RC3H2: variants seen among roughly 807,000 people sequenced by gnomAD.
RC3H2 encodes ring finger and CCCH-type domains 2.
RC3H2 carries 31 observed loss-of-function variants against 133.3 expected under a neutral mutation model. The observed-to-expected ratio is 0.23, with a 90% CI of 0.17 to 0.31. The LOEUF is 0.31. Among genes scored for constraint, RC3H2 ranks in the 10% least tolerant of loss-of-function variants. The probability of loss-of-function intolerance (pLI) is 1.00; values close to 1 mark genes in which losing one functional copy is unlikely to be tolerated. For synonymous variants in RC3H2, 517 were observed against 502.2 expected, an observed-to-expected ratio of 1.03 and a Z score of -0.40; for missense variants, 1,175 against 1,437.2, an observed-to-expected ratio of 0.82 and a Z score of 2.95.
intron 4 of RC3H2, among the ~76,000 whole-genome samples, chr9:122,883,736 C>T (rs1005442185): frequency 6.6e-6 from 1 of 152,036 alleles, no homozygotes; most frequent in African/African-American, 2.4e-5. Flanking sequence ...AATCCCAGCA[C>T]GTTGAGAGGC....
chr9:122,890,723 CT>C (rs35932213), intron 3 of RC3H2, among the ~76,000 whole-genome samples, 178 bp from the exon 4 acceptor site: 32,780 of 151,932 alleles, frequency 0.22, 4,950 homozygotes, highest in East Asian at 0.65. Flanking sequence ...AATAAGAAGC[CT>C]AATTTTTAGC....
chr9:122,850,674 T>G (rs1829988138), intron 20 of RC3H2, among the ~76,000 whole-genome samples: 1 of 151,950 alleles, frequency 6.6e-6, no homozygotes, highest in East Asian at 1.9e-4. Context: ...GAACTCCTTG[T>G]GATCCACCCG....
chr9:122,858,192 T>TA (rs1017721004), intron 12 of RC3H2, 99 bp from the exon 13 acceptor site: 8 of 1,141,238 alleles, frequency 7.0e-6, no homozygotes, highest in Middle Eastern at 2.1e-4. Flanking sequence ...ATTGTTGGGA[T>TA]AAAAAAATAC....
chr9:122,860,265 T>C (rs948289431), intron 10 of RC3H2, 134 bp from the exon 11 acceptor site: 17 of 656,704 alleles, frequency 2.6e-5, no homozygotes, highest in Non-Finnish European at 3.9e-5. Flanking sequence ...CATTGACAAA[T>C]AAGGCAATGA....
At chr9:122,866,874 G>C (rs1830704370) in intron 9 of RC3H2, among the ~76,000 whole-genome samples, 1 of 149,580 alleles carries the variant, frequency 6.7e-6, no homozygotes, top group Admixed American at 6.6e-5. Context: ...CTATCGTCTG[G>C]GACGTGAGGA....
chr9:122,851,383 G>C lies in RC3H2; in HGVS notation c.3171C>G (p.Ile1057Met). 1 of 1,614,052 alleles carries C rather than the reference G, an allele frequency of 6.2e-7. No homozygotes were observed. The highest frequency in any genetic ancestry group is 2.2e-5 in the East Asian group (1 of 44,880). Reference protein sequence around the residue: ...DATDTKPDRDIELELSALDTD... With the variant: ...DATDTKPDRDMELELSALDTD... ...TATCAAGTGCTGAAAGCTCTAACTC[G>C]ATATCCCTATCAGGTTTAGTATCTG... is the stretch of plus-strand genomic sequence containing the variant. Residue 1057 changes from isoleucine to methionine, a missense_variant, in exon 19 of 21, where the codon ATC becomes ATG. By Grantham distance (10) the Ile-to-Met change is conservative. Transcript: ENST00000357244.
intron 10 of RC3H2, among the ~76,000 whole-genome samples, chr9:122,860,943 T>C (rs1319850327): frequency 6.6e-6 from 1 of 152,068 alleles, no homozygotes; most frequent in African/African-American, 2.4e-5. Context: ...AATTCCTATA[T>C]CCCCAGCACC....
At chr9:122,868,269 T>G (rs561673905) in intron 9 of RC3H2, among the ~76,000 whole-genome samples, 5 of 152,354 alleles carry the variant, frequency 3.3e-5, no homozygotes, top group African/African-American at 4.8e-5. Flanking sequence ...GAACGGGCCA[T>G]GATGACAATT....
intron 18 of RC3H2, among the ~76,000 whole-genome samples, chr9:122,852,457 C>T (rs1408355713): frequency 1.2e-4 from 17 of 142,982 alleles, no homozygotes; most frequent in Admixed American, 3.4e-4. Context: ...AGGTGAGGGG[C>T]GCCTCTGCCC....
chr9:122,892,129 T>C (rs932777320), intron 3 of RC3H2, among the ~76,000 whole-genome samples: 35 of 152,104 alleles, frequency 2.3e-4, no homozygotes, highest in African/African-American at 8.4e-4. Context: ...TTTTTTTTTT[T>C]GAGACAAGGT....
intron 18 of RC3H2, among the ~76,000 whole-genome samples, chr9:122,852,105 C>T (rs1262227512): frequency 4.6e-4 from 69 of 149,920 alleles, no homozygotes; most frequent in African/African-American, 1.7e-3. Context: ...CGTCTCTGCC[C>T]GGCCGCCCGT....
intron 10 of RC3H2, among the ~76,000 whole-genome samples, chr9:122,860,916 C>T (rs777147794): frequency 9.9e-5 from 15 of 152,136 alleles, no homozygotes; most frequent in Non-Finnish European, 1.8e-4. Flanking sequence ...GGAAAGGCCA[C>T]TTTTGTTTAT....
intron 1 of RC3H2, among the ~76,000 whole-genome samples, chr9:122,899,013 T>G (rs1295681529): frequency 6.6e-6 from 1 of 150,648 alleles, no homozygotes; most frequent in Non-Finnish European, 1.5e-5. Flanking sequence ...GTAGTCACAT[T>G]CAAAGAGAAA....
At chr9:122,850,042 T>A (rs1335611703) in intron 20 of RC3H2, among the ~76,000 whole-genome samples, 1 of 152,178 alleles carries the variant, frequency 6.6e-6, no homozygotes, top group Non-Finnish European at 1.5e-5. Flanking sequence ...AGTGGCATGA[T>A]CTCGGCTCAA....
At position 122,883,337 on chromosome 9, in the gene RC3H2, T is replaced by A; in HGVS notation, c.626A>T (p.Glu209Val). The change falls in exon 5 of 21, where the codon GAA becomes GTA. Residue 209 changes from glutamate to valine, a missense_variant. This residue lies in a region of RC3H2 where 121 missense variants were observed against 243.5 expected (regional missense o/e 0.50). Coordinates refer to ENST00000357244, the MANE Select transcript of RC3H2 (RefSeq NM_001100588.3). ...TTTCCTTGAGAGGGCAGAACCATCT[T>A]CTAATGCCAGTAACACCAGCTTCAA... is the stretch of plus-strand genomic sequence containing the variant. ...EALKLVLLAL[E>V]DGSALSRKVL... 6.2e-7 allele frequency: 1 copy of A among 1,612,564 alleles called. No individual in the cohort carries two copies. Among genetic ancestry groups the A allele is most frequent in the Non-Finnish European group, 8.5e-7 (1 of 1,179,470 alleles).
chr9:122,899,372 G>C (rs1034686977), intron 1 of RC3H2, among the ~76,000 whole-genome samples: 1 of 151,952 alleles, frequency 6.6e-6, no homozygotes, highest in Non-Finnish European at 1.5e-5. Flanking sequence ...TTGCAGGCGT[G>C]AGCCACCGCG....
chr9:122,868,879 G>GTTTTTTT (rs1830908487), intron 9 of RC3H2, among the ~76,000 whole-genome samples: 1 of 14,668 alleles, frequency 6.8e-5, no homozygotes, highest in African/African-American at 1.4e-4. Context: ...GTGTGTGTGT[G>GTTTTTTT]TGTGTGTGTG....
At chr9:122,877,359 C>T in intron 9 of RC3H2, 112 bp downstream of exon 9, 5 of 800,740 alleles carry the variant, frequency 6.2e-6, no homozygotes, top group South Asian at 3.2e-5. Context: ...AGCTATGGTG[C>T]CCAGCCCTTA....
intron 5 of RC3H2, among the ~76,000 whole-genome samples, chr9:122,882,858 T>C (rs918447771): frequency 2.6e-5 from 4 of 152,224 alleles, no homozygotes; most frequent in African/African-American, 9.6e-5. Context: ...AAAGTTTACA[T>C]ACTCCTTATG....
Sources: gnomAD v4.1 joint callset for allele counts (sites outside exome capture counted in the v4.1 genomes callset) on GRCh38, gnomAD v4.1.1 for gene constraint, gnomAD v4.1.1 regional missense constraint, MANE v1.5 for transcripts, NCBI Gene and HGNC (gene_info 2026-07-23, HGNC 2026-07-21) for gene names.